Variants in CEP112 observed in about 807,000 individuals in gnomAD.
CEP112 encodes centrosomal protein of 112 kDa.
Under a neutral mutation model 153.0 loss-of-function variants are expected in CEP112, and 127 were observed. That is an observed-to-expected ratio of 0.83 (90% CI 0.72 to 0.96). The LOEUF (loss-of-function observed/expected upper bound fraction) is 0.96, where lower values mean the gene tolerates loss of function less well. Among genes scored for constraint, CEP112 ranks in the 40% least tolerant of loss-of-function variants. The pLI, the probability that CEP112 is intolerant of heterozygous loss-of-function variation, is 0.00. For synonymous variants in CEP112, 358 were observed against 374.4 expected (o/e 0.96, Z 0.51); for missense variants, 1,089 against 1,101.2 (o/e 0.99, Z 0.16).
chr17:66,154,160 AGAGT>A (rs1195877065), intron 4 of CEP112, among the ~76,000 whole-genome samples: 4 of 144,126 alleles, frequency 2.8e-5, no homozygotes, highest in Non-Finnish European at 4.6e-5. Context: ...GCCTAGCAAC[AGAGT>A]GAGACTCCGT....
At chr17:65,831,795 C>T (rs1326355861) in intron 21 of CEP112, among the ~76,000 whole-genome samples, 6 of 152,008 alleles carry the variant, frequency 3.9e-5, no homozygotes, top group Non-Finnish European at 8.8e-5. Context: ...AGCCTAAAGA[C>T]AGAACATATA....
At chr17:65,936,816 C>CCCTCTT in intron 18 of CEP112, among the ~76,000 whole-genome samples, 1 of 133,038 alleles carries the variant, frequency 7.5e-6, no homozygotes, top group Non-Finnish European at 1.6e-5. Context: ...CTCCCCCTCT[C>CCCTCTT]CCCACGGTCT....
intron 12 of CEP112, among the ~76,000 whole-genome samples, chr17:66,039,969 A>G (rs527436580): frequency 2.0e-5 from 3 of 152,200 alleles, no homozygotes; most frequent in Non-Finnish European, 4.4e-5. Context: ...TCTATTGATG[A>G]GTTGTCTTCA....
intron 4 of CEP112, among the ~76,000 whole-genome samples, chr17:66,155,526 C>G (rs2071401709): frequency 6.6e-6 from 1 of 151,750 alleles, no homozygotes; most frequent in Non-Finnish European, 1.5e-5. Flanking sequence ...CCAGTGGCAC[C>G]TGGAATGCCA....
chr17:65,650,014 C>A (rs2045655890), intron 24 of CEP112, among the ~76,000 whole-genome samples: 2 of 152,228 alleles, frequency 1.3e-5, no homozygotes, highest in Admixed American at 1.3e-4. Context: ...CCTGTACTGT[C>A]TGGCCCTATC....
At chr17:66,085,846 G>A (rs972828026) in intron 8 of CEP112, among the ~76,000 whole-genome samples, 7 of 151,916 alleles carry the variant, frequency 4.6e-5, no homozygotes, top group African/African-American at 1.5e-4. Flanking sequence ...GCATGGTGGC[G>A]CACACCTGTA....
chr17:65,970,929 A>C (rs12601023), intron 17 of CEP112, among the ~76,000 whole-genome samples: 62,727 of 147,630 alleles, frequency 0.42, 14,364 homozygotes, highest in East Asian at 0.87. Context: ...GTATGCAGTT[A>C]TTGCACCCAT....
At chr17:65,730,305 C>T in intron 23 of CEP112, among the ~76,000 whole-genome samples, 1 of 152,162 alleles carries the variant, frequency 6.6e-6, no homozygotes, top group Non-Finnish European at 1.5e-5. Flanking sequence ...TCATTTATTG[C>T]TATTGCTTCT....
intron 18 of CEP112, among the ~76,000 whole-genome samples, chr17:65,928,460 T>C (rs1385175318): frequency 6.6e-6 from 1 of 152,154 alleles, no homozygotes; most frequent in Non-Finnish European, 1.5e-5. Flanking sequence ...ACAAAAAACT[T>C]TGTCTACAAA....
At chr17:65,943,231 T>C (rs905127051) in intron 18 of CEP112, among the ~76,000 whole-genome samples, 1 of 152,224 alleles carries the variant, frequency 6.6e-6, no homozygotes, top group Non-Finnish European at 1.5e-5. Context: ...CCATGTTAAC[T>C]GATGATATCT....
chr17:66,035,315 C>T (rs1175126116), intron 12 of CEP112, among the ~76,000 whole-genome samples: 2 of 152,052 alleles, frequency 1.3e-5, no homozygotes, highest in Non-Finnish European at 2.9e-5. Context: ...GTGGTCTGCA[C>T]TACTGGCCAG....
intron 5 of CEP112, among the ~76,000 whole-genome samples, chr17:66,130,742 C>T (rs1378544867): frequency 6.7e-6 from 1 of 149,604 alleles, no homozygotes; most frequent in Non-Finnish European, 1.5e-5. Flanking sequence ...CGCCACTGCA[C>T]TCCAGCCTGG....
chr17:66,039,236 C>G (rs542599680), intron 12 of CEP112, among the ~76,000 whole-genome samples: 1 of 152,058 alleles, frequency 6.6e-6, no homozygotes, highest in Non-Finnish European at 1.5e-5. Flanking sequence ...GTCTTTTCAT[C>G]GTACAACATC....
chr17:65,782,936 A>G (rs996901130), intron 21 of CEP112, among the ~76,000 whole-genome samples: 3 of 152,150 alleles, frequency 2.0e-5, no homozygotes, highest in Admixed American at 1.3e-4. Context: ...CCAGGTAACA[A>G]ACCTGTACCT....
chr17:65,809,890 G>T (rs2055843732), intron 21 of CEP112, among the ~76,000 whole-genome samples: 1 of 152,122 alleles, frequency 6.6e-6, no homozygotes, highest in Admixed American at 6.5e-5. Flanking sequence ...TAAAGGAGAT[G>T]GAGTAGGAGC....
intron 18 of CEP112, among the ~76,000 whole-genome samples, chr17:65,959,856 C>T (rs2062135445): frequency 6.6e-6 from 1 of 152,220 alleles, no homozygotes; most frequent in African/African-American, 2.4e-5. Context: ...CTAACTCACC[C>T]TTGGCAGGTG....
At chr17:66,075,823 C>G (rs917636384) in intron 8 of CEP112, among the ~76,000 whole-genome samples, 3 of 152,134 alleles carry the variant, frequency 2.0e-5, no homozygotes, top group Admixed American at 6.5e-5. Flanking sequence ...ACCCCCAGAC[C>G]CTCTGAAGGA....
intron 21 of CEP112, among the ~76,000 whole-genome samples, chr17:65,810,139 A>G (rs1326977867): frequency 6.6e-6 from 1 of 152,222 alleles, no homozygotes; most frequent in African/African-American, 2.4e-5. Flanking sequence ...AAGAGAATAT[A>G]AGGCAGTAGA....
chr17:65,857,567 G>A (rs1371891708), intron 20 of CEP112, among the ~76,000 whole-genome samples: 1 of 152,136 alleles, frequency 6.6e-6, no homozygotes, highest in African/African-American at 2.4e-5. Flanking sequence ...TGCATTAATG[G>A]AGTAAATTAT....
Sources: gnomAD v4.1 joint callset for allele counts (sites outside exome capture counted in the v4.1 genomes callset) on GRCh38, gnomAD v4.1.1 for gene constraint, MANE v1.5 for transcripts, NCBI Gene and HGNC (gene_info 2026-07-23, HGNC 2026-07-21) for gene names.